The following DISP1 variants were observed in gnomAD, a reference collection of about 807,000 sequenced individuals.
DISP1 encodes protein dispatched homolog 1.
In DISP1, 30 loss-of-function variants were observed where a neutral mutation model predicts 37.3. The observed-to-expected ratio is 0.80, with a 90% confidence interval of 0.60 to 1.09. The LOEUF is 1.09. DISP1 is among the 50% of genes least tolerant of loss of function. The pLI, the probability that DISP1 is intolerant of heterozygous loss-of-function variation, is 0.00. For synonymous variants in DISP1, 634 were observed against 690.2 expected, an observed-to-expected ratio of 0.92 and a Z score of 1.28; for missense variants, 1,598 against 1,879.5, an observed-to-expected ratio of 0.85 and a Z score of 2.77.
At chr1:222,903,718 A>G (rs537576057) in intron 1 of DISP1, among the ~76,000 whole-genome samples, 8 of 152,274 alleles carry the variant, frequency 5.3e-5, no homozygotes, top group African/African-American at 1.9e-4. Context: ...AATCTACACT[A>G]TGTAAAATTA....
In DISP1 at chr1:222,830,619, T is replaced by G. The variant is rs1032545382; in HGVS notation, c.-159+15541T>G. ...CTGGTCTCGAACTCCTGACTTCAAG[T>G]GATCCACCTGCCTCGGTCTCCCAAA... On this transcript the variant is annotated intron_variant, in intron 1 of 8. Transcript: ENST00000675850. 4.6e-5 allele frequency among the ~76,000 whole-genome samples: 7 copies of G among 152,168 alleles called. No homozygotes were observed. The East Asian group carries it at 1.2e-3, about 25-fold the overall frequency.
chr1:222,979,779 A>T (rs1377498703), intron 3 of DISP1: 2 of 400,708 alleles, frequency 5.0e-6, no homozygotes, highest in African/African-American at 4.1e-5. Context: ...TGGCCAGCTG[A>T]GCGCTGCAGG....
intron 4 of DISP1, among the ~76,000 whole-genome samples, chr1:222,984,098 A>T (rs1305949591): frequency 6.6e-6 from 1 of 152,092 alleles, no homozygotes; most frequent in Non-Finnish European, 1.5e-5. Context: ...ATATATTTTT[A>T]AAATTGTGGT....
intron 1 of DISP1, among the ~76,000 whole-genome samples, chr1:222,841,655 G>A (rs1014402131): frequency 3.3e-5 from 5 of 152,076 alleles, no homozygotes; most frequent in Non-Finnish European, 7.4e-5. Context: ...TTTTCAAATG[G>A]TAATATTCAC....
chr1:222,991,416 T>C, intron 5 of DISP1, 104 bp from the exon 6 acceptor site: 4 of 1,420,374 alleles, frequency 2.8e-6, no homozygotes, highest in Middle Eastern at 3.5e-4. Context: ...ATATTTTCTG[T>C]TGAAAGCTAT....
chr1:222,943,511 CG>C lies in DISP1; in HGVS notation c.509+180del, dbSNP rs1254163439. On this transcript the variant is annotated intron_variant, in intron 3 of 8. Transcript: ENST00000675850. ...ACGCAAATAAAATAATACTGTATATCGATTTTATCCACTGACTTGTTAGTCA... is the reference window on the plus strand; with the variant it reads ...ACGCAAATAAAATAATACTGTATATCATTTTATCCACTGACTTGTTAGTCA... The C allele has an allele frequency of 4.1e-5, 31 of 763,890 alleles. No homozygotes were observed. In the Admixed American group the frequency reaches 8.3e-4, roughly 20 times the overall value. The allele number at this position is 763,890 out of a possible 1,614,324, so 47.3% of individuals were successfully genotyped here.
intron 2 of DISP1, among the ~76,000 whole-genome samples, chr1:222,938,396 C>T (rs773000966): frequency 2.0e-5 from 3 of 151,922 alleles, no homozygotes; most frequent in Admixed American, 6.6e-5. Flanking sequence ...TAGTTCCCTC[C>T]GTCTTAGGCT....
intron 1 of DISP1, among the ~76,000 whole-genome samples, chr1:222,910,411 A>G (rs749172398): frequency 5.3e-5 from 8 of 152,204 alleles, no homozygotes; most frequent in Non-Finnish European, 8.8e-5. Context: ...AAGACATTTT[A>G]ACATATGTGG....
intron 1 of DISP1, among the ~76,000 whole-genome samples, chr1:222,927,246 A>G (rs1051460649): frequency 6.6e-6 from 1 of 152,006 alleles, no homozygotes; most frequent in African/African-American, 2.4e-5. Context: ...GTGAAGTGGT[A>G]TCTAATAAGA....
chr1:222,852,372 G>T (rs1031761166), intron 1 of DISP1, among the ~76,000 whole-genome samples: 4 of 149,748 alleles, frequency 2.7e-5, no homozygotes, highest in African/African-American at 9.9e-5. Flanking sequence ...TTTGTTTTTC[G>T]TTTTTTGTTT....
intron 1 of DISP1, among the ~76,000 whole-genome samples, chr1:222,871,116 T>C (rs1669543595): frequency 6.6e-6 from 1 of 150,642 alleles, no homozygotes; most frequent in South Asian, 2.1e-4. Context: ...CGCGGCATTA[T>C]TTCTAAGGGC....
At chr1:222,867,886 A>G (rs1233752443) in intron 1 of DISP1, among the ~76,000 whole-genome samples, 1 of 151,964 alleles carries the variant, frequency 6.6e-6, no homozygotes, top group East Asian at 1.9e-4. Context: ...GCTTTTCTCT[A>G]CTCCCTAATG....
intron 3 of DISP1, among the ~76,000 whole-genome samples, chr1:222,975,324 CTGA>C (rs1677235564): frequency 6.6e-6 from 1 of 152,174 alleles, no homozygotes; most frequent in African/African-American, 2.4e-5. Flanking sequence ...CCGCACCCAC[CTGA>C]GACTGTCCCT....
intron 1 of DISP1, among the ~76,000 whole-genome samples, chr1:222,858,669 A>AGGACATGAAC (rs1668696571): frequency 6.6e-6 from 1 of 152,242 alleles, no homozygotes; most frequent in Non-Finnish European, 1.5e-5. Flanking sequence ...AAGTGGGCAA[A>AGGACATGAAC]GGACATGAAC....
rs184573544 is a variant in DISP1 at position 222,876,879 on chromosome 1, A to C, written c.-158-51551A>C. On this transcript the variant is annotated intron_variant, in intron 1 of 8. Transcript: ENST00000675850. ...TGTAATGTTTTATTTAAAGAGAAAA[A>C]AAAGCAAATAAGACAAAATGTTAAG... 3.0e-3 allele frequency among the ~76,000 whole-genome samples: 453 copies of C among 152,344 alleles called. 3 individuals carry two copies. The highest frequency in any genetic ancestry group is 0.011 in the African/African-American group (440 of 41,578).
At chr1:222,929,458 T>C (rs2125454618) in intron 2 of DISP1, among the ~76,000 whole-genome samples, 1 of 152,238 alleles carries the variant, frequency 6.6e-6, no homozygotes, top group Admixed American at 6.5e-5. Context: ...TCAATGATAA[T>C]GCAAGAAATA....
At chr1:222,831,782 A>AAACACAT (rs1356934377) in intron 1 of DISP1, among the ~76,000 whole-genome samples, 3 of 152,176 alleles carry the variant, frequency 2.0e-5, no homozygotes, top group African/African-American at 7.2e-5. Flanking sequence ...TTGAGGGACC[A>AAACACAT]GTTTGGTTAT....
chr1:222,883,602 C>T (rs1468268773), intron 1 of DISP1, among the ~76,000 whole-genome samples: 1 of 152,060 alleles, frequency 6.6e-6, no homozygotes, highest in Non-Finnish European at 1.5e-5. Flanking sequence ...GGCGACAGAG[C>T]GAGACTCTGT....
intron 2 of DISP1, among the ~76,000 whole-genome samples, chr1:222,936,710 T>TAAATTA (rs1491417433): frequency 2.9e-5 from 3 of 103,582 alleles, no homozygotes; most frequent in African/African-American, 1.2e-4. Context: ...ATCATATATA[T>TAAATTA]TATATATCAT....
Sources: allele counts gnomAD v4.1 joint callset (sites outside exome capture counted in the v4.1 genomes callset), GRCh38; gene constraint gnomAD v4.1.1; transcripts MANE v1.5; gene names NCBI Gene and HGNC (gene_info 2026-07-23, HGNC 2026-07-21).